USP6NL: variants seen among roughly 807,000 people sequenced by gnomAD.
USP6NL encodes the protein USP6 N-terminal like.
USP6NL carries 26 observed loss-of-function variants against 61.9 expected under a neutral mutation model. The observed-to-expected ratio is 0.42, with a 90% CI of 0.31 to 0.58. The LOEUF is 0.58. Among genes scored for constraint, USP6NL ranks in the 20% least tolerant of loss-of-function variants. The pLI, the probability that USP6NL is intolerant of heterozygous loss-of-function variation, is 0.16. For synonymous variants in USP6NL, 432 were observed against 390.1 expected, an observed-to-expected ratio of 1.11 and a Z score of -1.27; for missense variants, 1,114 against 1,034.3, an observed-to-expected ratio of 1.08 and a Z score of -1.06.
intron 2 of USP6NL, chr10:11,573,652 C>T: frequency 2.5e-6 from 1 of 398,880 alleles, no homozygotes. Flanking sequence ...TCACCAGCTC[C>T]TTTACAATCT....
rs147214791 is a variant in USP6NL, at chr10:11,552,895, A to G, written c.5-25328T>C. ...ACATGGATATATTGTGTAGTGGTGA[A>G]GTCTGGGCTTTTAGTGTACCCATTA... On this transcript the variant is annotated intron_variant, in intron 2 of 14. Transcript: ENST00000609104. Among the ~76,000 whole-genome samples, 20 of 152,226 alleles carry G rather than the reference A, an allele frequency of 1.3e-4. No individual in the cohort carries two copies. In the East Asian group the frequency reaches 3.3e-3, roughly 25 times the overall value.
rs188689147 is a variant in USP6NL at position 11,560,527 on chromosome 10, C to T, written c.5-32960G>A. On this transcript the variant is annotated intron_variant, in intron 2 of 14. Transcript: ENST00000609104. ...AACTCTGCCCTAAAACATGCTACCC[C>T]CCTCCTTTCCTTAGTACCGTAATAA... is the stretch of plus-strand genomic sequence containing the variant. Among the ~76,000 whole-genome samples the T allele has an allele frequency of 3.4e-4, 51 of 151,748 alleles. 1 individual carries two copies. The South Asian group carries it at 0.01, about 30-fold the overall frequency.
chr10:11,503,215 T>C (rs1458354135), intron 6 of USP6NL, among the ~76,000 whole-genome samples: 1 of 152,188 alleles, frequency 6.6e-6, no homozygotes, highest in Non-Finnish European at 1.5e-5. Flanking sequence ...AATAGGAACG[T>C]GTAATATGAC....
At chr10:11,539,784 A>G (rs1286563251) in intron 2 of USP6NL, among the ~76,000 whole-genome samples, 1 of 152,234 alleles carries the variant, frequency 6.6e-6, no homozygotes, top group Admixed American at 6.5e-5. Context: ...GATATTTTAT[A>G]AACTGTTTAT....
intron 7 of USP6NL, 45 bp from the exon 8 acceptor site, chr10:11,493,273 G>T: frequency 6.7e-7 from 1 of 1,499,830 alleles, no homozygotes; most frequent in Non-Finnish European, 9.1e-7. Flanking sequence ...ATGGAAATTA[G>T]TTGTTGAAAA....
rs1261983179 is a variant in USP6NL at position 11,528,230 on chromosome 10, A to G, written c.5-663T>C. 6.6e-6 allele frequency among the ~76,000 whole-genome samples: 1 copy of G among 152,062 alleles called. No homozygotes were observed. The highest frequency in any genetic ancestry group is 1.9e-4 in the East Asian group (1 of 5,206). ...TGACAACAAAAGTCGAGATCATAAC[A>G]TGAAATAGTATGAATATATACCATA... On this transcript the variant is annotated intron_variant, in intron 2 of 14. Coordinates refer to ENST00000609104, the MANE Select transcript of USP6NL (RefSeq NM_014688.5). This position sits in a 1 kb window ranked among gnomAD's most constrained non-coding sequence, Gnocchi z 4.6.
chr10:11,563,508 A>G (rs919404109), intron 2 of USP6NL: 1 of 152,142 alleles, frequency 6.6e-6, no homozygotes, highest in Non-Finnish European at 1.5e-5. Context: ...ACCAATATCA[A>G]TATCCTGGTT....
chr10:11,505,138 G>A (rs930238697), intron 6 of USP6NL, among the ~76,000 whole-genome samples: 1 of 152,182 alleles, frequency 6.6e-6, no homozygotes, highest in East Asian at 1.9e-4. Context: ...AACTAATCCT[G>A]TGTGAGAGAT....
chr10:11,501,345 G>A (rs1309016314), intron 6 of USP6NL, 137 bp from the exon 7 acceptor site: 2 of 639,052 alleles, frequency 3.1e-6, no homozygotes, highest in Non-Finnish European at 5.2e-6. Context: ...TTTCAACATG[G>A]CACATGGAGG....
At chr10:11,586,201 T>C (rs1237059207) in intron 2 of USP6NL, among the ~76,000 whole-genome samples, 3 of 152,316 alleles carry the variant, frequency 2.0e-5, no homozygotes, top group East Asian at 3.9e-4. Context: ...GATATCCTTG[T>C]ACACAATTAC....
At position 11,577,076 on chromosome 10, in the gene USP6NL, T is replaced by C. The variant is rs539348263; in HGVS notation, c.4+20555A>G. 2.5e-3 allele frequency among the ~76,000 whole-genome samples: 380 copies of C among 150,474 alleles called. 1 individual carries two copies. Among genetic ancestry groups the C allele is most frequent in the African/African-American group, 8.6e-3 (350 of 40,928 alleles). ...TTTAGAATTCTTTTTTTTTTTTTTT[T>C]CGATGGAGTCTGGCTCTGTCACCCA... is the stretch of plus-strand genomic sequence containing the variant. On this transcript the variant is annotated intron_variant, in intron 2 of 14. Coordinates refer to ENST00000609104, the MANE Select transcript of USP6NL (RefSeq NM_014688.5).
intron 14 of USP6NL, among the ~76,000 whole-genome samples, chr10:11,472,926 TTTG>T (rs1367474492): frequency 2.0e-5 from 3 of 152,232 alleles, no homozygotes; most frequent in Admixed American, 2.0e-4. Context: ...TCAAGAGGTC[TTTG>T]TTAAGTAACT....
Position 11,561,125 on chromosome 10 carries a change from A to T in USP6NL, c.5-33558T>A, listed in dbSNP as rs1206784697. On this transcript the variant is annotated intron_variant, in intron 2 of 14. Coordinates refer to ENST00000609104, the MANE Select transcript of USP6NL (RefSeq NM_014688.5). The surrounding 1 kb of genome is among the most constrained non-coding windows in gnomAD (Gnocchi z 4.1). ...GTATACTCTATGTCATAGGACGGTA[A>T]AATTACATTTTAAGTAGTTTCATCC... Among the ~76,000 whole-genome samples the T allele has an allele frequency of 6.6e-6, 1 of 152,192 alleles. No homozygotes were observed.
rs1301877902 is a variant in USP6NL, at chr10:11,611,136, T to G, written c.-84+307A>C. On this transcript the variant is annotated intron_variant, in intron 1 of 14. Transcript: ENST00000609104. The surrounding 1 kb of genome is among the most constrained non-coding windows in gnomAD (Gnocchi z 5.3). ...AGACGCGCCTGGCCGGGATCGCGGCTCACTCGGGGAGGCAGTCGCCGGGTT... is the reference window on the plus strand; with the variant it reads ...AGACGCGCCTGGCCGGGATCGCGGCGCACTCGGGGAGGCAGTCGCCGGGTT... 6.6e-6 allele frequency among the ~76,000 whole-genome samples: 1 copy of G among 151,988 alleles called. No homozygotes were observed. The highest frequency in any genetic ancestry group is 2.4e-5 in the African/African-American group (1 of 41,406).
At position 11,497,826 on chromosome 10, in the gene USP6NL, G is replaced by A. The variant is rs1213686894; in HGVS notation, c.384+3275C>T. Among the ~76,000 whole-genome samples the A allele has an allele frequency of 2.0e-5, 3 of 152,172 alleles. No individual in the cohort carries two copies. In the East Asian group the frequency reaches 5.8e-4, roughly 29 times the overall value. On this transcript the variant is annotated intron_variant, in intron 7 of 14. Coordinates refer to ENST00000609104, the MANE Select transcript of USP6NL (RefSeq NM_014688.5). ...CTACAGTTACCTTTGAGATTAGGTG[G>A]GTTGAGATCCATGAGCGTCACAGTA...
chr10:11,539,008 G>C (rs910081089), intron 2 of USP6NL, among the ~76,000 whole-genome samples: 3 of 152,180 alleles, frequency 2.0e-5, no homozygotes, highest in African/African-American at 7.2e-5. Context: ...TTCAAGTCAC[G>C]TGGAGGAAAT....
intron 2 of USP6NL, among the ~76,000 whole-genome samples, chr10:11,542,485 G>C (rs144094083): frequency 6.6e-6 from 1 of 152,132 alleles, no homozygotes; most frequent in African/African-American, 2.4e-5. Flanking sequence ...TTGGGAGGCC[G>C]AGGCAGGTAG....
chr10:11,568,663 T>G (rs1837254347), intron 2 of USP6NL, among the ~76,000 whole-genome samples: 1 of 152,218 alleles, frequency 6.6e-6, no homozygotes, highest in Admixed American at 6.5e-5. Context: ...ATTCTAGAGG[T>G]AACTAGGGGT....
chr10:11,473,333 C>T (rs890134164), intron 14 of USP6NL, among the ~76,000 whole-genome samples: 1 of 152,196 alleles, frequency 6.6e-6, no homozygotes, highest in Non-Finnish European at 1.5e-5. Flanking sequence ...CTAATAGAGA[C>T]ATGACTGACA....
Sources: allele counts gnomAD v4.1 joint callset (sites outside exome capture counted in the v4.1 genomes callset), GRCh38; gene constraint gnomAD v4.1.1; non-coding constraint Gnocchi (gnomAD v3.1); transcripts MANE v1.5; gene names NCBI Gene and HGNC (gene_info 2026-07-23, HGNC 2026-07-21).